The following KLHL23 variants were observed in gnomAD, a reference collection of about 807,000 sequenced individuals.
KLHL23 encodes the protein kelch-like protein 23.
KLHL23 carries 33 observed loss-of-function variants against 48.9 expected under a neutral mutation model. That is an observed-to-expected ratio of 0.67 (90% confidence interval 0.51 to 0.90). KLHL23 has a LOEUF of 0.90. Ranked by LOEUF, KLHL23 falls within the 40% of genes least tolerant of loss-of-function variation. The probability of loss-of-function intolerance (pLI) is 0.00; values close to 1 mark genes in which losing one functional copy is unlikely to be tolerated. For synonymous variants in KLHL23, 234 were observed against 231.6 expected (o/e 1.01, Z -0.09); for missense variants, 608 against 669.6 (o/e 0.91, Z 1.02).
rs1003295572 is a variant in KLHL23, at chr2:169,749,053, G to A, written c.1367-369G>A. Among the ~76,000 whole-genome samples, 5 of 152,164 alleles carry A rather than the reference G, an allele frequency of 3.3e-5. No individual in the cohort carries two copies. In the South Asian group the frequency reaches 8.3e-4, roughly 25 times the overall value. ...ACCTGAAGGGACACCACTGCTTATC[G>A]AGGGTATCTTTCTATAAGGATTCTA... is the stretch of plus-strand genomic sequence containing the variant. On this transcript the variant is annotated intron_variant, in intron 3 of 3. Coordinates refer to ENST00000392647, the MANE Select transcript of KLHL23 (RefSeq NM_144711.6).
Position 169,749,938 on chromosome 2 carries a change from C to T in KLHL23, c.*206C>T, listed in dbSNP as rs893986720. On this transcript the variant is annotated 3_prime_UTR_variant, in exon 4 of 4. Transcript: ENST00000392647. Reference sequence around the variant, plus strand: ...TTATATATATATATATATACACACACACATATATGTGTTCATATATATGTA... The same window carrying T: ...TTATATATATATATATATACACACATACATATATGTGTTCATATATATGTA... 70 of 200,812 alleles carry T rather than the reference C, an allele frequency of 3.5e-4. 2 individuals are homozygous for T. The highest frequency in any genetic ancestry group is 1.2e-3 in the Middle Eastern group (1 of 868). The allele number at this position is 200,812 out of a possible 1,614,324, so 12.4% of individuals were successfully genotyped here.
chr2:169,749,514 G>C lies in KLHL23; in HGVS notation c.1459G>C (p.Glu487Gln), dbSNP rs149127224. ...AGAATGCTATGACCCTGAACAAAATGAATGGAGAGAGATAGCTCCCATGAT... is the reference window on the plus strand; with the variant it reads ...AGAATGCTATGACCCTGAACAAAATCAATGGAGAGAGATAGCTCCCATGAT... ...ITECYDPEQN[E>Q]WREIAPMMER... Residue 487 changes from glutamate to glutamine, a missense_variant, in exon 4 of 4, where the codon GAA (glutamate) becomes CAA (glutamine). Around this residue, in one of 3 missense-constraint regions of KLHL23, gnomAD observed 179 missense variants for 169.9 expected, o/e 1.05. Coordinates refer to ENST00000392647, the MANE Select transcript of KLHL23 (RefSeq NM_144711.6). 304 of 1,614,108 alleles carry C rather than the reference G, an allele frequency of 1.9e-4. No homozygotes were observed. The highest frequency in any genetic ancestry group is 8.2e-4 in the Middle Eastern group (5 of 6,062).
chr2:169,735,171 G>C lies in KLHL23; in HGVS notation c.157G>C (p.Ala53Pro). The C allele has an allele frequency of 6.2e-7, 1 of 1,612,748 alleles. No individual in the cohort carries two copies. Among genetic ancestry groups the C allele is most frequent in the Non-Finnish European group, 8.5e-7 (1 of 1,179,770 alleles). ...AGGCATAATTTTCCATTGTCACCGA[G>C]CCGTTTTAGCTGCTTGCAGCAATTA... ...PSGIIFHCHR[A>P]VLAACSNYFK... Residue 53 changes from alanine to proline, a missense_variant, in exon 2 of 4, where the codon GCC (alanine) becomes CCC (proline). This residue lies in a region of KLHL23 where 419 missense variants were observed against 473.1 expected (regional missense o/e 0.89). Transcript: ENST00000392647. The surrounding 1 kb of genome is among the most constrained non-coding windows in gnomAD (Gnocchi z 4.5).
chr2:169,734,091 G>A lies in KLHL23; in HGVS notation c.-3+4G>A, dbSNP rs1688449264. ...GCGTCCCGAGCCCCGGCGGGAGGTA[G>A]GTGCGGTGTGGACCCGCAGCCCGAG... On this transcript the variant is annotated splice_donor_region_variant and intron_variant, in intron 1 of 3. Transcript: ENST00000392647. The A allele has an allele frequency of 6.6e-6, 1 of 150,630 alleles. No homozygotes were observed. 9.3% of individuals were successfully genotyped at this position (150,630 alleles called of 1,614,324 possible). A position where few individuals can be genotyped will look rare whatever the true frequency, so the allele number is the denominator to read the frequency against.
chr2:169,749,728 T>A lies in KLHL23; in HGVS notation c.1673T>A (p.Val558Asp), dbSNP rs759786769. 52 of 1,588,832 alleles carry A rather than the reference T, an allele frequency of 3.3e-5. 1 individual carries two copies. In the East Asian group the frequency reaches 7.7e-4, roughly 23 times the overall value. Residue 558 changes from valine to aspartate, a missense_variant, in exon 4 of 4, where the codon GTC (valine) becomes GAC (aspartate). Around this residue, in one of 3 missense-constraint regions of KLHL23, gnomAD observed 179 missense variants for 169.9 expected, o/e 1.05. Coordinates refer to ENST00000392647, the MANE Select transcript of KLHL23 (RefSeq NM_144711.6). ...CATGGGTGTGTTTGTGTGTATAATGTCTAATTGAATCTGCAGAAATGACCA... is the reference window on the plus strand; with the variant it reads ...CATGGGTGTGTTTGTGTGTATAATGACTAATTGAATCTGCAGAAATGACCA... ...RSHGCVCVYN[V>D]
rs1416124260 is a variant in KLHL23 at position 169,749,971 on chromosome 2, A to ATGTGTATATATACG, written c.*240_*241insGTGTATATATACGT. 1 of 140,312 alleles carries ATGTGTATATATACG rather than the reference A, an allele frequency of 7.1e-6. No homozygotes were observed. The highest frequency in any genetic ancestry group is 3.8e-5 in the African/African-American group (1 of 26,076). 8.7% of individuals were successfully genotyped at this position (140,312 alleles called of 1,614,324 possible). A position where few individuals can be genotyped will look rare whatever the true frequency, so the allele number is the denominator to read the frequency against. Reference sequence around the variant, plus strand: ...TGTGTTCATATATATGTATACATATATATGTGTATATATACGTATGTATAC... The same window carrying ATGTGTATATATACG: ...TGTGTTCATATATATGTATACATATATGTGTATATATACGTATGTGTATATATACGTATGTATAC... On this transcript the variant is annotated 3_prime_UTR_variant, in exon 4 of 4. Coordinates refer to ENST00000392647, the MANE Select transcript of KLHL23 (RefSeq NM_144711.6).
At position 169,743,495 on chromosome 2, in the gene KLHL23, C is replaced by G. The variant is rs929428975; in HGVS notation, c.1366+1958C>G. Among the ~76,000 whole-genome samples the G allele has an allele frequency of 2.0e-5, 3 of 152,186 alleles. No homozygotes were observed. The East Asian group carries it at 5.8e-4, about 29-fold the overall frequency. On this transcript the variant is annotated intron_variant, in intron 3 of 3. Coordinates refer to ENST00000392647, the MANE Select transcript of KLHL23 (RefSeq NM_144711.6). ...GAAACATAAAAAACAGATTTTAAAT[C>G]AGTACCTTGCATGATGTGTTCTGTT...
rs1186495576 is a variant in KLHL23, at chr2:169,733,886, C to T, written c.-204C>T. 1 of 152,226 alleles carries T rather than the reference C, an allele frequency of 6.6e-6. No individual in the cohort carries two copies. Among genetic ancestry groups the T allele is most frequent in the Non-Finnish European group, 1.5e-5 (1 of 68,160 alleles). 9.4% of individuals were successfully genotyped at this position (152,226 alleles called of 1,614,324 possible). A position where few individuals can be genotyped will look rare whatever the true frequency, so the allele number is the denominator to read the frequency against. On this transcript the variant is annotated 5_prime_UTR_variant, in exon 1 of 4. Transcript: ENST00000392647. ...GGGAGTTCCCGCGAGTGGCCTCGCG[C>T]CCAGACCGTGCGGGGGGCTGTTCGG...
At position 169,736,933 on chromosome 2, in the gene KLHL23, T is replaced by A. The variant is rs140790315; in HGVS notation, c.1213+706T>A. On this transcript the variant is annotated intron_variant, in intron 2 of 3. Coordinates refer to ENST00000392647, the MANE Select transcript of KLHL23 (RefSeq NM_144711.6). ...ATGTTTCTTCCCAGGCTTTTCTGTT[T>A]CTTTTTTAATGCTAGTGAGAGTGTG... is the stretch of plus-strand genomic sequence containing the variant. Among the ~76,000 whole-genome samples, 1,483 of 152,352 alleles carry A rather than the reference T, an allele frequency of 9.7e-3. 10 individuals are homozygous for A. Among genetic ancestry groups the A allele is most frequent in the Non-Finnish European group, 0.014 (982 of 68,028 alleles).
chr2:169,741,562 G>C, intron 3 of KLHL23, 25 bp downstream of exon 3: 2 of 1,594,488 alleles, frequency 1.3e-6, no homozygotes, highest in Non-Finnish European at 1.7e-6. Context: ...GTCTCAAATA[G>C]TGTATGTTGT....
chr2:169,747,990 G>T (rs1162448015), intron 3 of KLHL23, among the ~76,000 whole-genome samples: 4 of 152,170 alleles, frequency 2.6e-5, no homozygotes, highest in African/African-American at 9.7e-5. Flanking sequence ...CAGTTGTGAT[G>T]ATGTGTACCT....
In KLHL23 at chr2:169,750,047, T is replaced by TGTATGTATACATATATGTGTATATATAC. The variant is rs1688926100; in HGVS notation, c.*327_*328insATATGTGTATATATACGTATGTATACAT. 6 of 113,362 alleles carry TGTATGTATACATATATGTGTATATATAC rather than the reference T, an allele frequency of 5.3e-5. 2 individuals are homozygous for TGTATGTATACATATATGTGTATATATAC. The highest frequency in any genetic ancestry group is 1.6e-4 in the Admixed American group (2 of 12,620). The allele number at this position is 113,362 out of a possible 1,614,324, so 7.0% of individuals were successfully genotyped here. On this transcript the variant is annotated 3_prime_UTR_variant, in exon 4 of 4. Coordinates refer to ENST00000392647, the MANE Select transcript of KLHL23 (RefSeq NM_144711.6). The stretch of plus-strand genomic sequence containing the variant: ...TGTATACATATGTGTATATATAGTA[T>TGTATGTATACATATATGTGTATATATAC]GTATGTATACATGTATGTGTATATA...
Position 169,735,969 on chromosome 2 carries a change from G to A in KLHL23, c.955G>A (p.Gly319Arg), listed in dbSNP as rs1688504169. 6.2e-7 allele frequency: 1 copy of A among 1,614,146 alleles called. No individual in the cohort carries two copies. The highest frequency in any genetic ancestry group is 8.5e-7 in the Non-Finnish European group (1 of 1,180,034). ...TRESYGVTCL[G>R]PNIYVTGGYR... ...GGAGAGCTATGGTGTTACATGTTTA[G>A]GACCCAACATTTATGTAACTGGGGG... Residue 319 changes from glycine (G) to arginine (R), a missense_variant, in exon 2 of 4, where the codon GGA (glycine) becomes AGA (arginine). Coordinates refer to ENST00000392647, the MANE Select transcript of KLHL23 (RefSeq NM_144711.6). The surrounding 1 kb of genome is among the most constrained non-coding windows in gnomAD (Gnocchi z 4.5).
At chr2:169,738,833 CCT>C (rs1225854668) in intron 2 of KLHL23, among the ~76,000 whole-genome samples, 2 of 20,976 alleles carry the variant, frequency 9.5e-5, no homozygotes, top group African/African-American at 1.7e-4. Context: ...ATTTCCTCCC[CCT>C]CCTCCCCCTC....
chr2:169,742,888 G>A (rs1688708750), intron 3 of KLHL23, among the ~76,000 whole-genome samples: 1 of 152,212 alleles, frequency 6.6e-6, no homozygotes, highest in Non-Finnish European at 1.5e-5. Context: ...TCAGTGTGTG[G>A]CAGGCACAAA....
At chr2:169,740,860 T>A (rs1688662833) in intron 2 of KLHL23, 1 of 150,274 alleles carries the variant, frequency 6.7e-6, no homozygotes, top group African/African-American at 2.5e-5. Flanking sequence ...ACATACACAT[T>A]AGCTGAGGCC....
At chr2:169,744,463 A>G (rs1688746466) in intron 3 of KLHL23, among the ~76,000 whole-genome samples, 1 of 152,190 alleles carries the variant, frequency 6.6e-6, no homozygotes, top group African/African-American at 2.4e-5. Context: ...CTGGGAGCAG[A>G]CATGAATGAA....
intron 2 of KLHL23, among the ~76,000 whole-genome samples, chr2:169,740,789 T>TATATATATATAA: frequency 6.9e-6 from 1 of 144,772 alleles, no homozygotes; most frequent in Non-Finnish European, 1.5e-5. Context: ...TATATATATA[T>TATATATATATAA]ATAACTTATT....
chr2:169,735,395 G>A lies in KLHL23; in HGVS notation c.381G>A (p.Glu127=), dbSNP rs753708199. 8 of 1,613,470 alleles carry A rather than the reference G, an allele frequency of 5.0e-6. No homozygotes were observed. Among genetic ancestry groups the A allele is most frequent in the Admixed American group, 3.3e-5 (2 of 59,962 alleles). The change falls in exon 2 of 4, where the codon GAG becomes GAA. Residue 127 remains glutamate, a synonymous_variant. Coordinates refer to ENST00000392647, the MANE Select transcript of KLHL23 (RefSeq NM_144711.6). This position sits in a 1 kb window ranked among gnomAD's most constrained non-coding sequence, Gnocchi z 4.5. The stretch of plus-strand genomic sequence containing the variant: ...TCCTTTCAGTAAAGAAGGCTTGTGA[G>A]CGGTTTTTGGTAAGGCACTTGGATA... The part of the protein sequence containing the change: ...LQFLSVKKAC[E]RFLVRHLDID...
Sources: allele counts gnomAD v4.1 joint callset (sites outside exome capture counted in the v4.1 genomes callset), GRCh38; gene constraint gnomAD v4.1.1; regional missense constraint gnomAD v4.1.1; non-coding constraint Gnocchi (gnomAD v3.1); transcripts MANE v1.5; gene names NCBI Gene and HGNC (gene_info 2026-07-23, HGNC 2026-07-21).